The following ATE1 variants were observed in gnomAD, a reference collection of about 807,000 sequenced individuals.
ATE1 encodes the protein arginyltransferase 1, also known as arginyl-tRNA--protein transferase 1.
In ATE1, 36 loss-of-function variants were observed where a neutral mutation model predicts 70.5. The observed-to-expected ratio is 0.51, with a 90% CI of 0.39 to 0.67. The LOEUF (loss-of-function observed/expected upper bound fraction) is 0.67. Among genes scored for constraint, ATE1 ranks in the 30% least tolerant of loss-of-function variants. The probability of loss-of-function intolerance (pLI) is 0.00; values close to 1 mark genes in which losing one functional copy is unlikely to be tolerated. For missense variants in ATE1, 593 were observed against 629.5 expected, an observed-to-expected ratio of 0.94 and a Z score of 0.62; for synonymous variants, 232 against 219.3, an observed-to-expected ratio of 1.06 and a Z score of -0.51.
intron 3 of ATE1, among the ~76,000 whole-genome samples, chr10:121,918,149 A>G (rs1951732830): frequency 6.6e-6 from 1 of 152,180 alleles, no homozygotes; most frequent in African/African-American, 2.4e-5. Flanking sequence ...CCTGGCCAAT[A>G]TGGTGAAACC....
intron 7 of ATE1, among the ~76,000 whole-genome samples, chr10:121,881,023 TCTCA>T (rs1950208486): frequency 6.6e-6 from 1 of 152,192 alleles, no homozygotes; most frequent in Admixed American, 6.5e-5. Context: ...TGCTCAACAC[TCTCA>T]CTCAGGAAAT....
At chr10:121,902,071 A>T (rs577997709) in intron 6 of ATE1, among the ~76,000 whole-genome samples, 2 of 152,226 alleles carry the variant, frequency 1.3e-5, no homozygotes, top group Non-Finnish European at 2.9e-5. Context: ...TGCTAAAAAC[A>T]CAATTTTAAA....
At chr10:121,886,402 A>G (rs1232426317) in intron 7 of ATE1, among the ~76,000 whole-genome samples, 1 of 151,840 alleles carries the variant, frequency 6.6e-6, no homozygotes, top group Non-Finnish European at 1.5e-5. Flanking sequence ...TTCCTCCCAC[A>G]TCTCACACGT....
chr10:121,803,576 C>G (rs1445901332), intron 10 of ATE1, among the ~76,000 whole-genome samples: 2 of 152,132 alleles, frequency 1.3e-5, no homozygotes, highest in African/African-American at 4.8e-5. Flanking sequence ...CCCTCAGAAA[C>G]AAATTGGTTT....
chr10:121,903,078 C>A (rs1951048935), intron 5 of ATE1, among the ~76,000 whole-genome samples: 1 of 151,654 alleles, frequency 6.6e-6, no homozygotes, highest in Non-Finnish European at 1.5e-5. Flanking sequence ...GTTGGCCAGA[C>A]TGGTCTCAAA....
chr10:121,918,142 G>C (rs532265007), intron 3 of ATE1, among the ~76,000 whole-genome samples: 4 of 152,244 alleles, frequency 2.6e-5, no homozygotes, highest in Non-Finnish European at 5.9e-5. Flanking sequence ...AGACCAACCT[G>C]GCCAATATGG....
Position 121,840,768 on chromosome 10 carries a change from C to T in ATE1, c.1157+314G>A, listed in dbSNP as rs1032918694. Reference sequence around the variant, plus strand: ...TACTTATATATTACATAACTATATACTTATATAATATGTATATTTCCTATA... The same window carrying T: ...TACTTATATATTACATAACTATATATTTATATAATATGTATATTTCCTATA... On this transcript the variant is annotated intron_variant, in intron 9 of 11. Coordinates refer to ENST00000224652, the MANE Select transcript of ATE1 (RefSeq NM_001001976.3). Among the ~76,000 whole-genome samples the T allele has an allele frequency of 4.7e-5, 7 of 150,374 alleles. No homozygotes were observed. The East Asian group carries it at 1.4e-3, about 29-fold the overall frequency.
At position 121,904,282 on chromosome 10, in the gene ATE1, G is replaced by A. The variant is rs1310671385; in HGVS notation, c.584-1662C>T. Among the ~76,000 whole-genome samples, 6 of 151,414 alleles carry A rather than the reference G, an allele frequency of 4.0e-5. No individual in the cohort carries two copies. In the East Asian group the frequency reaches 5.9e-4, roughly 15 times the overall value. ...CGGGCGTGAGCCACCGCACCTGGCC[G>A]AATTTTCCAACAATGAACATTATGC... On this transcript the variant is annotated intron_variant, in intron 5 of 11. Transcript: ENST00000224652.
chr10:121,924,452 G>A, intron 1 of ATE1, 123 bp from the exon 2 acceptor site: 1 of 897,772 alleles, frequency 1.1e-6, no homozygotes, highest in Non-Finnish European at 1.8e-6. Context: ...TGTAATCCCA[G>A]CACTCTGGGA....
chr10:121,851,090 C>CAAAAAAAAAAAAAA (rs10603053), intron 8 of ATE1, among the ~76,000 whole-genome samples: 4 of 43,220 alleles, frequency 9.3e-5, no homozygotes, highest in African/African-American at 2.0e-4. Flanking sequence ...GACTCCATCT[C>CAAAAAAAAAAAAAA]AAAAAAAAAA....
Position 121,870,056 on chromosome 10 carries a change from C to G in ATE1, c.943-18G>C, listed in dbSNP as rs757671282. The G allele has an allele frequency of 5.6e-6, 9 of 1,607,334 alleles. No homozygotes were observed. Among genetic ancestry groups the G allele is most frequent in the Non-Finnish European group, 7.7e-6 (9 of 1,175,318 alleles). ...CTTGTGAACTGCAGTCAAATTTGAA[C>G]AGAATCCATTTCATCCAGTAAACAG... On this transcript the variant is annotated intron_variant, in intron 7 of 11. Coordinates refer to ENST00000224652, the MANE Select transcript of ATE1 (RefSeq NM_001001976.3).
rs969227236 is a variant in ATE1, at chr10:121,822,653, T to C, written c.1257+14065A>G. Among the ~76,000 whole-genome samples, 43 of 152,192 alleles carry C rather than the reference T, an allele frequency of 2.8e-4. 1 individual carries two copies. The highest frequency in any genetic ancestry group is 1.5e-4 in the Non-Finnish European group (10 of 68,036). On this transcript the variant is annotated intron_variant, in intron 10 of 11. Transcript: ENST00000224652. ...ATTTTTCCTAACTCCACAGTTTTGA[T>C]TCGTACCACATCTTCCGTGCACAGT...
intron 7 of ATE1, among the ~76,000 whole-genome samples, chr10:121,877,052 A>G (rs920811432): frequency 6.6e-6 from 1 of 152,118 alleles, no homozygotes; most frequent in Non-Finnish European, 1.5e-5. Context: ...TAAAATCACA[A>G]AGAAAAACAT....
chr10:121,911,415 T>TA (rs1428372154), intron 4 of ATE1, among the ~76,000 whole-genome samples: 1 of 140,166 alleles, frequency 7.1e-6, no homozygotes, highest in Non-Finnish European at 1.5e-5. Context: ...CTGGGCAACA[T>TA]AGTGAGACAC....
chr10:121,744,722 C>T (rs759999193), intron 11 of ATE1, among the ~76,000 whole-genome samples: 1 of 152,156 alleles, frequency 6.6e-6, no homozygotes, highest in Non-Finnish European at 1.5e-5. Flanking sequence ...TCCTTCTCTT[C>T]TTTCATATAA....
intron 8 of ATE1, among the ~76,000 whole-genome samples, chr10:121,848,318 T>TCATC (rs1554908709): frequency 1.3e-5 from 2 of 151,546 alleles, no homozygotes; most frequent in Non-Finnish European, 2.9e-5. Flanking sequence ...ATTCATTCAT[T>TCATC]AAAAAACTTA....
At chr10:121,921,599 T>C (rs915041074) in intron 3 of ATE1, among the ~76,000 whole-genome samples, 4 of 152,090 alleles carry the variant, frequency 2.6e-5, no homozygotes, top group Non-Finnish European at 5.9e-5. Context: ...ATGAGAAGCC[T>C]GAGTAGGCCT....
At chr10:121,867,520 GA>G (rs1269243892) in intron 8 of ATE1, among the ~76,000 whole-genome samples, 1 of 152,100 alleles carries the variant, frequency 6.6e-6, no homozygotes, top group African/African-American at 2.4e-5. Flanking sequence ...CCCAAGGTTA[GA>G]TGCCGTTTCC....
At chr10:121,826,964 GTAGTATTCCA>G (rs1277798056) in intron 10 of ATE1, among the ~76,000 whole-genome samples, 2 of 151,976 alleles carry the variant, frequency 1.3e-5, no homozygotes, top group Non-Finnish European at 2.9e-5. Flanking sequence ...TGATGACTGT[GTAGTATTCCA>G]TAGTATATCT....
Sources: allele counts gnomAD v4.1 joint callset (sites outside exome capture counted in the v4.1 genomes callset), GRCh38; gene constraint gnomAD v4.1.1; transcripts MANE v1.5; gene names NCBI Gene and HGNC (gene_info 2026-07-23, HGNC 2026-07-21).